Variants in PEAK1 observed in about 807,000 individuals in gnomAD.
PEAK1 encodes the protein pseudopodium enriched atypical kinase 1.
In PEAK1, 54 loss-of-function variants were observed where a neutral mutation model predicts 124.7. That is an observed-to-expected ratio of 0.43 (90% confidence interval 0.35 to 0.54). PEAK1 has a LOEUF of 0.54. Ranked by LOEUF, PEAK1 falls within the 20% of genes least tolerant of loss-of-function variation. PEAK1 has a pLI of 0.01. For synonymous variants in PEAK1, 719 were observed against 760.0 expected, an observed-to-expected ratio of 0.95 and a Z score of 0.89; for missense variants, 2,046 against 2,134.5, an observed-to-expected ratio of 0.96 and a Z score of 0.82.
At chr15:77,298,033 C>A (rs2063581840) in intron 2 of PEAK1, among the ~76,000 whole-genome samples, 1 of 121,136 alleles carries the variant, frequency 8.3e-6, no homozygotes, top group Admixed American at 1.0e-4. Context: ...AGTCTGCAGT[C>A]CGGCCTGGGC....
chr15:77,356,353 GA>G (rs966737992), intron 2 of PEAK1, among the ~76,000 whole-genome samples: 4 of 151,428 alleles, frequency 2.6e-5, no homozygotes, highest in Non-Finnish European at 4.4e-5. Flanking sequence ...TTAAAAGTCT[GA>G]AAAAAAACAA....
intron 1 of PEAK1, among the ~76,000 whole-genome samples, chr15:77,417,001 G>C (rs1294837325): frequency 1.3e-5 from 2 of 152,070 alleles, no homozygotes; most frequent in African/African-American, 2.4e-5. Flanking sequence ...ACTGGTATAA[G>C]ATGTACTTTC....
chr15:77,245,579 G>A (rs907787058), intron 6 of PEAK1, among the ~76,000 whole-genome samples: 3 of 151,726 alleles, frequency 2.0e-5, no homozygotes, highest in African/African-American at 7.3e-5. Flanking sequence ...CACACCTGTA[G>A]TCCCAGCTAC....
chr15:77,118,834 T>C (rs1347338413), intron 9 of PEAK1, among the ~76,000 whole-genome samples: 1 of 152,214 alleles, frequency 6.6e-6, no homozygotes. Flanking sequence ...CCTTTTCTAA[T>C]AGGGGAAAAA....
chr15:77,378,791 A>G (rs1275719987), intron 1 of PEAK1, among the ~76,000 whole-genome samples: 1 of 152,230 alleles, frequency 6.6e-6, no homozygotes, highest in Non-Finnish European at 1.5e-5. Context: ...AATCTGAGTC[A>G]AACTACAAAA....
intron 2 of PEAK1, among the ~76,000 whole-genome samples, chr15:77,320,390 C>A (rs771186229): frequency 2.6e-5 from 4 of 152,166 alleles, no homozygotes; most frequent in Non-Finnish European, 5.9e-5. Flanking sequence ...ATGATGCTTA[C>A]AAACAGTAGA....
At chr15:77,372,772 G>A (rs2141703924) in intron 1 of PEAK1, among the ~76,000 whole-genome samples, 1 of 152,256 alleles carries the variant, frequency 6.6e-6, no homozygotes, top group East Asian at 1.9e-4. Context: ...CATGGGGGCA[G>A]TTTCTAATGG....
At chr15:77,341,330 T>C (rs1401268186) in intron 2 of PEAK1, among the ~76,000 whole-genome samples, 1 of 151,914 alleles carries the variant, frequency 6.6e-6, no homozygotes, top group Non-Finnish European at 1.5e-5. Context: ...TGAAACCCTG[T>C]CTCTACAAAA....
At chr15:77,107,372 A>G (rs907658725), downstream of PEAK1, 1 of 152,122 alleles carries the variant, frequency 6.6e-6, no homozygotes, top group African/African-American at 2.4e-5. Flanking sequence ...GTTGCTCCTC[A>G]GCAACATAAA....
intron 6 of PEAK1, among the ~76,000 whole-genome samples, chr15:77,222,926 C>T (rs1045733565): frequency 6.6e-6 from 1 of 152,060 alleles, no homozygotes; most frequent in Non-Finnish European, 1.5e-5. Flanking sequence ...ACTCTTTAGA[C>T]TTCTGCCACT....
intron 9 of PEAK1, among the ~76,000 whole-genome samples, chr15:77,130,563 A>T (rs1017146510): frequency 6.6e-6 from 1 of 152,244 alleles, no homozygotes; most frequent in African/African-American, 2.4e-5. Context: ...AGGTAAGGCC[A>T]ATCGTTACCT....
intron 1 of PEAK1, among the ~76,000 whole-genome samples, chr15:77,413,727 A>C (rs1439839280): frequency 6.6e-6 from 1 of 152,248 alleles, no homozygotes; most frequent in African/African-American, 2.4e-5. Flanking sequence ...TGGTTGAAGC[A>C]TCGTACCAAT....
chr15:77,151,940 CT>C (rs1410624205), intron 8 of PEAK1, among the ~76,000 whole-genome samples: 1 of 151,874 alleles, frequency 6.6e-6, no homozygotes, highest in Non-Finnish European at 1.5e-5. Flanking sequence ...AACCTTTGTT[CT>C]TTTGGCTTAG....
chr15:77,184,879 G>GACCCTGCCTCGAAAA (rs144772577), intron 6 of PEAK1, among the ~76,000 whole-genome samples: 1 of 151,972 alleles, frequency 6.6e-6, no homozygotes, highest in South Asian at 2.1e-4. Context: ...CACAGTCTAA[G>GACCCTGCCTCGAAAA]ACAAACAAAC....
At chr15:77,163,636 G>A (rs1223961762) in intron 7 of PEAK1, among the ~76,000 whole-genome samples, 2 of 152,076 alleles carry the variant, frequency 1.3e-5, no homozygotes, top group African/African-American at 2.4e-5. Context: ...ACAGGATAAG[G>A]CCTTTAAATA....
rs1376545637 is a variant in PEAK1, at chr15:77,111,447, T to C, written c.*2709A>G. 6.6e-6 allele frequency: 1 copy of C among 152,244 alleles called. No homozygotes were observed. The allele number at this position is 152,244 out of a possible 1,614,324, so 9.4% of individuals were successfully genotyped here. On this transcript the variant is annotated 3_prime_UTR_variant, in exon 10 of 10. Transcript: ENST00000682557. ...TCTTTCTCTATTCTGCTCTAACCTG[T>C]AACACCCCCTTCCCTCTCTATCTCA...
intron 2 of PEAK1, chr15:77,335,956 A>G (rs1186095086): frequency 1.0e-6 from 1 of 985,278 alleles, no homozygotes; most frequent in Non-Finnish European, 1.2e-6. Context: ...GAAATCTTTT[A>G]CCAGGTTAGG....
rs1207336377 is a variant in PEAK1 at position 77,180,013 on chromosome 15, T to A, written c.1914A>T (p.Leu638=). 2.5e-6 allele frequency: 4 copies of A among 1,614,136 alleles called. No homozygotes were observed. In the South Asian group the frequency reaches 3.3e-5, roughly 13 times the overall value. Residue 638 remains leucine (L), a synonymous_variant, in exon 7 of 10, where the codon CTA becomes CTT. Coordinates refer to ENST00000682557, the MANE Select transcript of PEAK1 (RefSeq NM_001385026.1). The part of the protein sequence containing the change: ...IVINPNAYDN[L]AIYKSFLGTS... ...TTCCCAGAAAACTTTTGTAGATAGC[T>A]AGATTGTCATATGCATTTGGATTGA...
intron 8 of PEAK1, among the ~76,000 whole-genome samples, chr15:77,152,047 G>A (rs2054679324): frequency 6.6e-6 from 1 of 152,108 alleles, no homozygotes. Context: ...AGCATGATAG[G>A]GATGGCATTG....
Sources: gnomAD v4.1 joint callset for allele counts (sites outside exome capture counted in the v4.1 genomes callset) on GRCh38, gnomAD v4.1.1 for gene constraint, MANE v1.5 for transcripts, NCBI Gene and HGNC (gene_info 2026-07-23, HGNC 2026-07-21) for gene names.